The following PPP1R7 variants were observed in gnomAD, a reference collection of about 807,000 sequenced individuals.
PPP1R7 encodes protein phosphatase 1 regulatory subunit 22.
PPP1R7 carries 18 observed loss-of-function variants against 45.2 expected under a neutral mutation model. That is an observed-to-expected ratio of 0.40 (90% CI 0.28 to 0.59). The LOEUF is 0.59. PPP1R7 is among the 20% of genes least tolerant of loss of function. The pLI is 0.46. For synonymous variants in PPP1R7, 181 were observed against 183.4 expected, an observed-to-expected ratio of 0.99 and a Z score of 0.11; for missense variants, 314 against 455.8, an observed-to-expected ratio of 0.69 and a Z score of 2.83.
At position 241,157,785 on chromosome 2, in the gene PPP1R7, T is replaced by C. The variant is rs375581548; in HGVS notation, c.182-22T>C. On this transcript the variant is annotated intron_variant, in intron 2 of 9. Transcript: ENST00000234038. ...TCCTGTTAATGGGGTTCTGAACAAA[T>C]CTCTTTTTCTTATTTTTTCAGAAGA... 3 of 1,609,218 alleles carry C rather than the reference T, an allele frequency of 1.9e-6. No homozygotes were observed. The African/African-American group carries it at 4.0e-5, about 22-fold the overall frequency.
chr2:241,157,461 C>T (rs2067485022), intron 2 of PPP1R7, among the ~76,000 whole-genome samples: 1 of 152,216 alleles, frequency 6.6e-6, no homozygotes, highest in Admixed American at 6.5e-5. Context: ...GGCAGTAGTG[C>T]TACCCTGCTC....
At chr2:241,163,761 C>G (rs535785165) in intron 7 of PPP1R7, among the ~76,000 whole-genome samples, 3 of 152,060 alleles carry the variant, frequency 2.0e-5, no homozygotes, top group Admixed American at 6.5e-5. Context: ...GCACCACGAC[C>G]TTCAGCTAAT....
chr2:241,155,227 C>T (rs1261850666), intron 2 of PPP1R7: 1 of 152,240 alleles, frequency 6.6e-6, no homozygotes, highest in African/African-American at 2.4e-5. Context: ...CTTTCCCTGG[C>T]TCACTAGCAC....
chr2:241,175,064 T>C (rs921524362), intron 9 of PPP1R7, among the ~76,000 whole-genome samples: 1 of 152,190 alleles, frequency 6.6e-6, no homozygotes, highest in Non-Finnish European at 1.5e-5. Flanking sequence ...GTCCTACTTA[T>C]TTATCTTACT....
intron 9 of PPP1R7, 36 bp from the exon 10 acceptor site, chr2:241,182,611 T>TAAACA: frequency 6.2e-7 from 1 of 1,609,130 alleles, no homozygotes. Flanking sequence ...CTGGGCTGTT[T>TAAACA]GGTTCTAAAG....
In PPP1R7 at chr2:241,150,534, G is replaced by A. The variant is rs1312768673; in HGVS notation, c.39G>A (p.Gln13=). Residue 13 remains glutamine, a synonymous_variant, in exon 1 of 10, where the codon CAG becomes CAA. Coordinates refer to ENST00000234038, the MANE Select transcript of PPP1R7 (RefSeq NM_002712.3). Reference sequence around the variant, plus strand: ...GCGGCGCGGGGCAGCAACAGTCGCAGGAGATGATGGAGGGTGAGCGGCCCC... The same window carrying A: ...GCGGCGCGGGGCAGCAACAGTCGCAAGAGATGATGGAGGGTGAGCGGCCCC... The part of the protein sequence containing the change: ...AERGAGQQQS[Q]EMMEVDRRVE... The A allele has an allele frequency of 2.5e-6, 4 of 1,597,900 alleles. No individual in the cohort carries two copies. Among genetic ancestry groups the A allele is most frequent in the Non-Finnish European group, 2.6e-6 (3 of 1,173,784 alleles).
intron 9 of PPP1R7, among the ~76,000 whole-genome samples, chr2:241,177,941 G>A (rs895226527): frequency 9.9e-5 from 15 of 152,248 alleles, no homozygotes; most frequent in African/African-American, 3.4e-4. Flanking sequence ...GTTGGCAGAT[G>A]CTGCCCGCTC....
At chr2:241,166,293 A>G (rs780649977) in intron 7 of PPP1R7, 44 bp from the exon 8 acceptor site, 2 of 1,484,288 alleles carry the variant, frequency 1.3e-6, no homozygotes, top group African/African-American at 2.8e-5. Context: ...TTCATTTCAT[A>G]CCTTCTGTAC....
chr2:241,167,254 A>G (rs2067734888), intron 8 of PPP1R7: 1 of 476,584 alleles, frequency 2.1e-6, no homozygotes, highest in Non-Finnish European at 3.5e-6. Flanking sequence ...TTTCAATCTC[A>G]TTAAAGGCCT....
Position 241,165,996 on chromosome 2 carries a change from G to A in PPP1R7, c.715-341G>A, listed in dbSNP as rs573785397. Among the ~76,000 whole-genome samples the A allele has an allele frequency of 5.4e-5, 8 of 147,524 alleles. 1 individual carries two copies. Among genetic ancestry groups the A allele is most frequent in the South Asian group, 4.4e-4 (2 of 4,566 alleles). ...TGGCTCACTGCAATCTCCGCCTCCCGGGTTCACGCCGTTCTCCTGCCTCAG... is the reference window on the plus strand; with the variant it reads ...TGGCTCACTGCAATCTCCGCCTCCCAGGTTCACGCCGTTCTCCTGCCTCAG... On this transcript the variant is annotated intron_variant, in intron 7 of 9. Coordinates refer to ENST00000234038, the MANE Select transcript of PPP1R7 (RefSeq NM_002712.3).
At chr2:241,166,012 C>T (rs954613693) in intron 7 of PPP1R7, among the ~76,000 whole-genome samples, 2 of 151,922 alleles carry the variant, frequency 1.3e-5, no homozygotes, top group East Asian at 3.9e-4. Flanking sequence ...ACGCCGTTCT[C>T]CTGCCTCAGC....
In PPP1R7 at chr2:241,159,227, C is replaced by T; in HGVS notation, c.318C>T (p.Arg106=). 1 of 1,613,468 alleles carries T rather than the reference C, an allele frequency of 6.2e-7. No homozygotes were observed. Among genetic ancestry groups the T allele is most frequent in the Non-Finnish European group, 8.5e-7 (1 of 1,179,600 alleles). ...CCATCCCCCAGACTCTCTGCCTCCGCCAAAATTTAATTAAATGCATTGAGA... is the reference window on the plus strand; with the variant it reads ...CCATCCCCCAGACTCTCTGCCTCCGTCAAAATTTAATTAAATGCATTGAGA... ...VLKKVKTLCL[R]QNLIKCIENL... The change falls in exon 5 of 10, where the codon CGC becomes CGT. Residue 106 remains arginine (R), a synonymous_variant. Coordinates refer to ENST00000234038, the MANE Select transcript of PPP1R7 (RefSeq NM_002712.3).
chr2:241,179,669 G>A (rs2067967458), intron 9 of PPP1R7, among the ~76,000 whole-genome samples: 1 of 152,210 alleles, frequency 6.6e-6, no homozygotes, highest in Non-Finnish European at 1.5e-5. Context: ...CAGCCCCAGT[G>A]TGCAGAACTT....
intron 9 of PPP1R7, among the ~76,000 whole-genome samples, chr2:241,176,008 C>A (rs1018462668): frequency 1.3e-5 from 2 of 152,118 alleles, no homozygotes; most frequent in African/African-American, 4.8e-5. Context: ...AAACTCCTGA[C>A]CTCAGGTAAT....
chr2:241,168,086 G>C (rs1326401236), intron 8 of PPP1R7, among the ~76,000 whole-genome samples: 1 of 152,098 alleles, frequency 6.6e-6, no homozygotes, highest in Non-Finnish European at 1.5e-5. Flanking sequence ...CTGTGGCGTT[G>C]TGTCATGCCC....
intron 5 of PPP1R7, 104 bp downstream of exon 5, chr2:241,159,447 G>A: frequency 7.0e-7 from 1 of 1,421,074 alleles, no homozygotes; most frequent in Non-Finnish European, 9.5e-7. Context: ...GCCCTTGAGA[G>A]GCTGCCTCTG....
intron 1 of PPP1R7, among the ~76,000 whole-genome samples, chr2:241,151,077 T>C (rs2067280429): frequency 1.3e-5 from 2 of 152,232 alleles, no homozygotes; most frequent in African/African-American, 2.4e-5. Flanking sequence ...CCAAAAAGTC[T>C]GAATTCAACT....
intron 9 of PPP1R7, among the ~76,000 whole-genome samples, chr2:241,171,634 T>C (rs2067819152): frequency 6.6e-6 from 1 of 152,260 alleles, no homozygotes; most frequent in Non-Finnish European, 1.5e-5. Context: ...AGGAGAATGT[T>C]GAAACCTTCC....
At chr2:241,182,235 CTCTG>C (rs1374779708) in intron 9 of PPP1R7, among the ~76,000 whole-genome samples, 2 of 152,180 alleles carry the variant, frequency 1.3e-5, no homozygotes, top group African/African-American at 4.8e-5. Flanking sequence ...GTAGAGCGGC[CTCTG>C]TCTGCTGTGT....
Sources: allele counts gnomAD v4.1 joint callset (sites outside exome capture counted in the v4.1 genomes callset), GRCh38; gene constraint gnomAD v4.1.1; transcripts MANE v1.5; gene names NCBI Gene and HGNC (gene_info 2026-07-23, HGNC 2026-07-21).